The following SH3PXD2B variants were observed in gnomAD, a reference collection of about 807,000 sequenced individuals.
SH3PXD2B encodes the protein SH3 and PX domains 2B, also known as SH3 and PX domain-containing protein 2B.
SH3PXD2B carries 37 observed loss-of-function variants against 73.1 expected under a neutral mutation model. The observed-to-expected ratio is 0.51, with a 90% CI of 0.39 to 0.67. SH3PXD2B has a LOEUF of 0.67. SH3PXD2B is among the 30% of genes least tolerant of loss of function. SH3PXD2B has a pLI of 0.00. For missense variants in SH3PXD2B, 1,053 were observed against 1,197.8 expected (o/e 0.88, Z 1.78); for synonymous variants, 457 against 480.5 (o/e 0.95, Z 0.64).
At chr5:172,431,941 C>A (rs75292129) in intron 1 of SH3PXD2B, among the ~76,000 whole-genome samples, 7,715 of 152,192 alleles carry the variant, frequency 0.051, 272 homozygotes, top group South Asian at 0.2. Flanking sequence ...CTTTGAGAGG[C>A]CAAGGTGAGC....
chr5:172,454,226 G>A, intron 1 of SH3PXD2B, 52 bp downstream of exon 1: 1 of 1,517,974 alleles, frequency 6.6e-7, no homozygotes, highest in African/African-American at 1.4e-5. Flanking sequence ...GCCCTCGGTC[G>A]CCCCCGACGG....
chr5:172,382,181 T>C, intron 4 of SH3PXD2B, 54 bp from the exon 5 acceptor site: 1 of 1,412,866 alleles, frequency 7.1e-7, no homozygotes, highest in African/African-American at 1.4e-5. Flanking sequence ...CTGAGCATGG[T>C]GGCACGCGCC....
In SH3PXD2B at chr5:172,337,471, A is replaced by G. The variant is rs1007486851; in HGVS notation, c.*898T>C. 11 of 984,626 alleles carry G rather than the reference A, an allele frequency of 1.1e-5. No individual in the cohort carries two copies. In the Admixed American group the frequency reaches 1.8e-4, roughly 17 times the overall value. 61.0% of individuals were successfully genotyped at this position (984,626 alleles called of 1,614,324 possible). A position where few individuals can be genotyped will look rare whatever the true frequency, so the allele number is the denominator to read the frequency against. On this transcript the variant is annotated 3_prime_UTR_variant, in exon 13 of 13. Coordinates refer to ENST00000311601, the MANE Select transcript of SH3PXD2B (RefSeq NM_001017995.3). ...GGTCAAAGCATGAATGCAAAGCGCC[A>G]AGTACAGTGTTTGGCACCCACGAGG...
intron 1 of SH3PXD2B, among the ~76,000 whole-genome samples, chr5:172,441,652 T>C (rs1210854407): frequency 6.6e-6 from 1 of 151,980 alleles, no homozygotes; most frequent in African/African-American, 2.4e-5. Flanking sequence ...AACGGAAGGG[T>C]TGCCGAGAAA....
chr5:172,327,153 C>T (rs1756461852), intron 12 of SH3PXD2B, among the ~76,000 whole-genome samples: 1 of 152,134 alleles, frequency 6.6e-6, no homozygotes, highest in African/African-American at 2.4e-5. Context: ...AACCACCGCG[C>T]CTGGCCTGAA....
chr5:172,366,941 T>TC, intron 6 of SH3PXD2B, among the ~76,000 whole-genome samples: 1 of 130,806 alleles, frequency 7.6e-6, no homozygotes, highest in African/African-American at 3.3e-5. Context: ...CATTTTTTTT[T>TC]TTTTTTTTTT....
chr5:172,379,647 A>T (rs1757898240), intron 5 of SH3PXD2B, among the ~76,000 whole-genome samples: 1 of 152,194 alleles, frequency 6.6e-6, no homozygotes, highest in Non-Finnish European at 1.5e-5. Flanking sequence ...TCATTCCAAG[A>T]GGGGCACTAC....
At chr5:172,383,018 G>GT (rs1173453951) in intron 4 of SH3PXD2B, among the ~76,000 whole-genome samples, 1 of 152,062 alleles carries the variant, frequency 6.6e-6, no homozygotes, top group Non-Finnish European at 1.5e-5. Context: ...GATTACAGGT[G>GT]TTTGAGCCAC....
At chr5:172,369,722 C>T (rs762978920) in intron 6 of SH3PXD2B, among the ~76,000 whole-genome samples, 84 of 152,136 alleles carry the variant, frequency 5.5e-4, no homozygotes, top group African/African-American at 2.0e-3. Flanking sequence ...GAGCCGAGAT[C>T]GCACCACTGA....
chr5:172,386,740 A>G (rs1015306951), intron 4 of SH3PXD2B, among the ~76,000 whole-genome samples: 1 of 151,944 alleles, frequency 6.6e-6, no homozygotes, highest in Non-Finnish European at 1.5e-5. Flanking sequence ...AGATCCTCCC[A>G]CCTCAGCCTC....
At chr5:172,453,512 G>A (rs1221699537) in intron 1 of SH3PXD2B, among the ~76,000 whole-genome samples, 1 of 152,222 alleles carries the variant, frequency 6.6e-6, no homozygotes, top group Non-Finnish European at 1.5e-5. Flanking sequence ...CCTGCTGGAG[G>A]GAGGGAAGCC....
intron 1 of SH3PXD2B, among the ~76,000 whole-genome samples, chr5:172,424,109 T>A (rs1490963747): frequency 6.6e-6 from 1 of 152,214 alleles, no homozygotes; most frequent in Non-Finnish European, 1.5e-5. Context: ...TAAGCTTACA[T>A]CCAGCTCTGC....
chr5:172,414,456 T>TG (rs1322689847), intron 2 of SH3PXD2B, among the ~76,000 whole-genome samples: 1 of 77,554 alleles, frequency 1.3e-5, no homozygotes, highest in Admixed American at 1.6e-4. Flanking sequence ...GACTCCATCT[T>TG]AAAAAAAAAA....
Position 172,358,853 on chromosome 5 carries a change from T to A in SH3PXD2B, c.587A>T (p.Glu196Val), listed in dbSNP as rs749334370. The change falls in exon 8 of 13, where the codon GAG becomes GTG. Residue 196 changes from glutamate to valine, a missense_variant. Glu to Val is a moderately radical substitution (Grantham distance 121). Around this residue, in one of 2 missense-constraint regions of SH3PXD2B, gnomAD observed 466 missense variants for 607.1 expected, o/e 0.77. Transcript: ENST00000311601. ...CGTTGCAGGGACCCAGCCTTGCTCCTCGGCAGTGCTGACGAACCACCAACC... is the reference window on the plus strand; with the variant it reads ...CGTTGCAGGGACCCAGCCTTGCTCCACGGCAGTGCTGACGAACCACCAACC... ...ESGWWFVSTA[E>V]EQGWVPATCL... 1.2e-6 allele frequency: 2 copies of A among 1,614,040 alleles called. No individual in the cohort carries two copies. Among genetic ancestry groups the A allele is most frequent in the African/African-American group, 1.3e-5 (1 of 75,060 alleles).
At chr5:172,409,438 A>G (rs1290123892) in intron 2 of SH3PXD2B, among the ~76,000 whole-genome samples, 1 of 152,082 alleles carries the variant, frequency 6.6e-6, no homozygotes, top group Non-Finnish European at 1.5e-5. Flanking sequence ...CCTCCTATTT[A>G]GCTGTGATTT....
rs1581272880 is a variant in SH3PXD2B at position 172,358,826 on chromosome 5, C to T, written c.614G>A (p.Cys205Tyr). Residue 205 changes from cysteine (C) to tyrosine (Y), a missense_variant, in exon 8 of 13, where the codon TGC becomes TAC. Around this residue, in one of 2 missense-constraint regions of SH3PXD2B, gnomAD observed 466 missense variants for 607.1 expected, o/e 0.77. Coordinates refer to ENST00000311601, the MANE Select transcript of SH3PXD2B (RefSeq NM_001017995.3). ...AEEQGWVPAT[C>Y]LEGQDGVQDE... is the part of the protein sequence containing the mutation. ...CTGCACCCCATCCTGGCCTTCGAGG[C>T]ACGTTGCAGGGACCCAGCCTTGCTC... 1 of 1,614,076 alleles carries T rather than the reference C, an allele frequency of 6.2e-7. No individual in the cohort carries two copies. Among genetic ancestry groups the T allele is most frequent in the Non-Finnish European group, 8.5e-7 (1 of 1,179,966 alleles).
intron 8 of SH3PXD2B, 122 bp from the exon 9 acceptor site, chr5:172,354,127 C>G: frequency 1.1e-6 from 1 of 926,876 alleles, no homozygotes; most frequent in South Asian, 1.4e-5. Flanking sequence ...TGGGCACCCC[C>G]CCTGGCCCTG....
chr5:172,340,758 C>A (rs984405570), intron 12 of SH3PXD2B, among the ~76,000 whole-genome samples: 2 of 152,174 alleles, frequency 1.3e-5, no homozygotes, highest in Non-Finnish European at 2.9e-5. Flanking sequence ...CCACACCTGG[C>A]TAATTTTTGT....
intron 4 of SH3PXD2B, among the ~76,000 whole-genome samples, chr5:172,392,490 G>A (rs887606807): frequency 3.3e-5 from 5 of 152,024 alleles, no homozygotes; most frequent in African/African-American, 7.3e-5. Context: ...TATCCTTTTC[G>A]GCCCAGCATG....
Sources: allele counts gnomAD v4.1 joint callset (sites outside exome capture counted in the v4.1 genomes callset), GRCh38; gene constraint gnomAD v4.1.1; regional missense constraint gnomAD v4.1.1; transcripts MANE v1.5; gene names NCBI Gene and HGNC (gene_info 2026-07-23, HGNC 2026-07-21).